LGALS14: variants seen among roughly 807,000 people sequenced by gnomAD.
LGALS14 encodes galectin 14, also known as placental protein 13-like.
Under a neutral mutation model 14.6 loss-of-function variants are expected in LGALS14, and 14 were observed. That is an observed-to-expected ratio of 0.96 (90% CI 0.64 to 1.50). LGALS14 has a LOEUF of 1.50. Among genes scored for constraint, LGALS14 ranks in the 40% most tolerant of loss-of-function variants. The pLI, the probability that LGALS14 is intolerant of heterozygous loss-of-function variation, is 0.00. For synonymous variants in LGALS14, 57 were observed against 63.9 expected, an observed-to-expected ratio of 0.89 and a Z score of 0.51; for missense variants, 180 against 172.0, an observed-to-expected ratio of 1.05 and a Z score of -0.26.
intron 1 of LGALS14, chr19:39,706,002 T>C (rs1158475964): frequency 6.2e-7 from 1 of 1,613,894 alleles, no homozygotes; most frequent in South Asian, 1.1e-5. Flanking sequence ...TTGCCCTTGA[T>C]GATTGTGGTG....
rs558641243 is a variant in LGALS14, at chr19:39,704,534, A to G, written c.6A>G (p.Ser2=). The G allele has an allele frequency of 2.5e-6, 4 of 1,613,770 alleles. No individual in the cohort carries two copies. The highest frequency in any genetic ancestry group is 2.2e-5 in the East Asian group (1 of 44,782). The change falls in exon 1 of 4, where the codon TCA becomes TCG. Residue 2 remains serine (S), a synonymous_variant. Coordinates refer to ENST00000392052, the MANE Select transcript of LGALS14 (RefSeq NM_020129.3). Reference sequence around the variant, plus strand: ...CTGCCCAGAAGGAGAGAACAATGTCATCACTACCCGTGAGTTGAAAAGTCA... The same window carrying G: ...CTGCCCAGAAGGAGAGAACAATGTCGTCACTACCCGTGAGTTGAAAAGTCA... The part of the protein sequence containing the change: M[S]SLPVPYTLPV...
Position 39,707,326 on chromosome 19 carries a change from T to C in LGALS14, c.241T>C (p.Leu81=). The change falls in exon 3 of 4, where the codon TTA becomes CTA. Residue 81 remains leucine (L), a synonymous_variant. Coordinates refer to ENST00000392052, the MANE Select transcript of LGALS14 (RefSeq NM_020129.3). ...IWRYEEKCYY[L]PFEDGKPFEL... ...GAGATATGAGGAGAAATGCTACTAT[T>C]TACCCTTTGAAGATGGCAAACCATT... 6.2e-7 allele frequency: 1 copy of C among 1,614,120 alleles called. No individual in the cohort carries two copies. The highest frequency in any genetic ancestry group is 8.5e-7 in the Non-Finnish European group (1 of 1,179,952).
At chr19:39,708,612 A>G (rs1326120249) in intron 3 of LGALS14, among the ~76,000 whole-genome samples, 1 of 152,208 alleles carries the variant, frequency 6.6e-6, no homozygotes, top group African/African-American at 2.4e-5. Context: ...CAAAAGATTC[A>G]CATCTTATTC....
At chr19:39,706,734 G>T (rs1973720412) in intron 2 of LGALS14, 61 bp downstream of exon 2, 3 of 1,363,242 alleles carry the variant, frequency 2.2e-6, no homozygotes, top group Admixed American at 1.7e-5. Context: ...TTTGCTAAGG[G>T]TTTAACCTTA....
chr19:39,706,780 T>G, intron 2 of LGALS14, 107 bp downstream of exon 2: 1 of 967,408 alleles, frequency 1.0e-6, no homozygotes, highest in South Asian at 1.4e-5. Flanking sequence ...GTTGGCATAA[T>G]GAAGGCCTCA....
intron 1 of LGALS14, chr19:39,706,039 C>G: frequency 6.2e-7 from 1 of 1,610,486 alleles, no homozygotes; most frequent in Non-Finnish European, 8.5e-7. Flanking sequence ...ACAGGGGTTT[C>G]CTGTTCTTTC....
Position 39,707,208 on chromosome 19 carries a change from C to T in LGALS14, c.123C>T (p.Tyr41=). The change falls in exon 3 of 4, where the codon TAC becomes TAT. Residue 41 remains tyrosine, a synonymous_variant. Transcript: ENST00000392052. The part of the protein sequence containing the change: ...VKDPQLEVNF[Y]TGMDEDSDIA... ...ACCCACAGCTGGAGGTGAATTTCTA[C>T]ACTGGGATGGATGAGGACTCAGATA... is the stretch of plus-strand genomic sequence containing the variant. 1 of 1,614,080 alleles carries T rather than the reference C, an allele frequency of 6.2e-7. No individual in the cohort carries two copies. The highest frequency in any genetic ancestry group is 8.5e-7 in the Non-Finnish European group (1 of 1,179,952).
At chr19:39,709,063 G>A (rs1385226108) in intron 3 of LGALS14, 134 bp from the exon 4 acceptor site, 2 of 697,898 alleles carry the variant, frequency 2.9e-6, no homozygotes, top group Non-Finnish European at 5.2e-6. Flanking sequence ...AATCACAGAA[G>A]TGTGTCTACT....
intron 1 of LGALS14, among the ~76,000 whole-genome samples, chr19:39,704,971 G>A (rs1973693418): frequency 6.6e-6 from 1 of 152,192 alleles, no homozygotes; most frequent in Non-Finnish European, 1.5e-5. Context: ...AACTCAGTGA[G>A]TGGCATGGCT....
At chr19:39,705,490 T>TTCC (rs1447560566) in intron 1 of LGALS14, among the ~76,000 whole-genome samples, 1 of 152,152 alleles carries the variant, frequency 6.6e-6, no homozygotes, top group East Asian at 1.9e-4. Context: ...ACTAAACTTG[T>TTCC]TCCTCCACTC....
chr19:39,705,876 G>A lies in LGALS14; in HGVS notation c.16-721G>A, dbSNP rs146538011. The A allele has an allele frequency of 2.0e-4, 326 of 1,611,328 alleles. 2 individuals carry two copies. The African/African-American group carries it at 3.5e-3, about 17-fold the overall frequency. ...ACAGAAAAATCATCAACCACTTGCA[G>A]TCGTCGTAGAAATCAATCATTCCCT... On this transcript the variant is annotated intron_variant, in intron 1 of 3. Transcript: ENST00000392052.
chr19:39,706,739 A>C (rs1973720445), intron 2 of LGALS14, 66 bp downstream of exon 2: 10 of 1,327,736 alleles, frequency 7.5e-6, no homozygotes, highest in Non-Finnish European at 8.7e-6. Context: ...TAAGGGTTTA[A>C]CCTTATGTGT....
chr19:39,707,509 A>C, intron 3 of LGALS14, 121 bp downstream of exon 3: 1 of 797,938 alleles, frequency 1.3e-6, no homozygotes, highest in Non-Finnish European at 2.1e-6. Flanking sequence ...TTCCTGTTTC[A>C]GGTTTTCATC....
At chr19:39,706,494 A>C (rs1973716447) in intron 1 of LGALS14, 103 bp from the exon 2 acceptor site, 1 of 812,404 alleles carries the variant, frequency 1.2e-6, no homozygotes, top group African/African-American at 1.7e-5. Context: ...GAGGCCTCAG[A>C]GTCTGACCTT....
intron 3 of LGALS14, 73 bp from the exon 4 acceptor site, chr19:39,709,124 G>T: frequency 1.1e-6 from 1 of 890,096 alleles, no homozygotes. Context: ...ATTTGTAACT[G>T]GGCAGAGAAG....
intron 3 of LGALS14, among the ~76,000 whole-genome samples, chr19:39,708,631 G>T (rs1031880263): frequency 1.3e-5 from 2 of 152,146 alleles, no homozygotes; most frequent in African/African-American, 4.8e-5. Flanking sequence ...TCAGATTCAA[G>T]TGAGGGATCT....
chr19:39,705,810 A>G (rs374654405), intron 1 of LGALS14: 2 of 1,456,988 alleles, frequency 1.4e-6, no homozygotes. Flanking sequence ...GCACCACTGC[A>G]TATCAGCCTG....
At chr19:39,706,740 C>A in intron 2 of LGALS14, 67 bp downstream of exon 2, 1 of 1,330,652 alleles carries the variant, frequency 7.5e-7, no homozygotes. Flanking sequence ...AAGGGTTTAA[C>A]CTTATGTGTG....
rs1973731203 is a variant in LGALS14 at position 39,707,363 on chromosome 19, T to A, written c.278T>A (p.Ile93Asn). ...GATGGCAAACCATTTGAGCTGTGCA[T>A]CTATGTGCGTCACAAGGAATACAAG... ...FEDGKPFELC[I>N]YVRHKEYKVM... Residue 93 changes from isoleucine to asparagine, a missense_variant, in exon 3 of 4, where the codon ATC becomes AAC. Transcript: ENST00000392052. 1 of 1,613,962 alleles carries A rather than the reference T, an allele frequency of 6.2e-7. No homozygotes were observed. The highest frequency in any genetic ancestry group is 1.3e-5 in the African/African-American group (1 of 74,942).
Sources: allele counts gnomAD v4.1 joint callset (sites outside exome capture counted in the v4.1 genomes callset), GRCh38; gene constraint gnomAD v4.1.1; transcripts MANE v1.5; gene names NCBI Gene and HGNC (gene_info 2026-07-23, HGNC 2026-07-21).